The following CCDC85A variants were observed in gnomAD, a reference collection of about 807,000 sequenced individuals.
The protein encoded by CCDC85A is coiled-coil domain-containing protein 85A.
A neutral mutation model predicts 50.2 loss-of-function variants in CCDC85A; 38 were observed. That is an observed-to-expected ratio of 0.76 (90% CI 0.58 to 0.99). The LOEUF is 0.99. CCDC85A is among the 50% of genes least tolerant of loss of function. CCDC85A has a pLI of 0.00. For missense variants in CCDC85A, 820 were observed against 742.0 expected, an observed-to-expected ratio of 1.11 and a Z score of -1.22; for synonymous variants, 366 against 301.4, an observed-to-expected ratio of 1.21 and a Z score of -2.22.
intron 2 of CCDC85A, among the ~76,000 whole-genome samples, chr2:56,226,643 A>G (rs969594142): frequency 2.0e-5 from 3 of 151,922 alleles, no homozygotes; most frequent in Non-Finnish European, 4.4e-5. Context: ...TGGTATTATG[A>G]ATTTCATCTC....
intron 3 of CCDC85A, among the ~76,000 whole-genome samples, chr2:56,371,121 G>T (rs545586481): frequency 5.9e-5 from 9 of 152,210 alleles, no homozygotes; most frequent in African/African-American, 2.2e-4. Context: ...ATGTTGCTAT[G>T]ATGAAATTAT....
chr2:56,205,358 A>G (rs928647827), intron 2 of CCDC85A, among the ~76,000 whole-genome samples: 1 of 152,158 alleles, frequency 6.6e-6, no homozygotes, highest in Non-Finnish European at 1.5e-5. Context: ...TACTTCTATT[A>G]CTTTACAGCT....
At chr2:56,268,244 G>T (rs1026432302) in intron 2 of CCDC85A, among the ~76,000 whole-genome samples, 2 of 152,160 alleles carry the variant, frequency 1.3e-5, no homozygotes, top group Non-Finnish European at 2.9e-5. Flanking sequence ...ATAAGGATCT[G>T]CAGAGACAGA....
Position 56,193,521 on chromosome 2 carries a change from T to C in CCDC85A, c.1240+81T>C, listed in dbSNP as rs116030346. ...CGAATGATGATGGACTTTCCAGCCATGTAAGAAAGTGCAGGCGCTAGCTAG... is the reference window on the plus strand; with the variant it reads ...CGAATGATGATGGACTTTCCAGCCACGTAAGAAAGTGCAGGCGCTAGCTAG... On this transcript the variant is annotated intron_variant, in intron 2 of 5. Transcript: ENST00000407595. 2.3e-4 allele frequency: 325 copies of C among 1,430,632 alleles called. No individual in the cohort carries two copies. The African/African-American group carries it at 4.4e-3, about 19-fold the overall frequency. 88.6% of individuals were successfully genotyped at this position (1,430,632 alleles called of 1,614,324 possible).
chr2:56,267,070 T>C (rs1159164801), intron 2 of CCDC85A, among the ~76,000 whole-genome samples: 1 of 152,108 alleles, frequency 6.6e-6, no homozygotes, highest in African/African-American at 2.4e-5. Flanking sequence ...AGGGATAGTG[T>C]TGTATGTAAT....
At chr2:56,298,025 A>G (rs1672033660) in intron 2 of CCDC85A, among the ~76,000 whole-genome samples, 1 of 152,210 alleles carries the variant, frequency 6.6e-6, no homozygotes, top group African/African-American at 2.4e-5. Flanking sequence ...CACAGACTGC[A>G]GAAGAGATTT....
chr2:56,285,211 C>T (rs559930002), intron 2 of CCDC85A, among the ~76,000 whole-genome samples: 2 of 151,558 alleles, frequency 1.3e-5, no homozygotes, highest in East Asian at 3.9e-4. Flanking sequence ...AAGCAATTCA[C>T]CTGCCTCGGC....
chr2:56,325,676 C>T (rs900148278), intron 2 of CCDC85A, among the ~76,000 whole-genome samples: 3 of 152,018 alleles, frequency 2.0e-5, no homozygotes, highest in Non-Finnish European at 4.4e-5. Context: ...ATTTACAAGC[C>T]AGAAGAAACT....
chr2:56,198,832 A>G (rs180917285), intron 2 of CCDC85A, among the ~76,000 whole-genome samples: 23 of 152,320 alleles, frequency 1.5e-4, no homozygotes, highest in Non-Finnish European at 2.9e-5. Context: ...GTTTATATAC[A>G]TTTCAGTGAC....
intron 2 of CCDC85A, among the ~76,000 whole-genome samples, chr2:56,301,267 G>GT (rs551241497): frequency 2.0e-4 from 30 of 152,132 alleles, no homozygotes; most frequent in Non-Finnish European, 4.0e-4. Context: ...TAAATGTGTG[G>GT]TGTGTGTCTT....
intron 3 of CCDC85A, among the ~76,000 whole-genome samples, chr2:56,366,770 A>G (rs1324056460): frequency 6.6e-6 from 1 of 152,174 alleles, no homozygotes; most frequent in Non-Finnish European, 1.5e-5. Context: ...CAGGCCCTCA[A>G]GAAGTCCTCT....
intron 2 of CCDC85A, among the ~76,000 whole-genome samples, chr2:56,248,437 T>G (rs914851977): frequency 6.6e-6 from 1 of 152,114 alleles, no homozygotes; most frequent in African/African-American, 2.4e-5. Context: ...GCCCTTGGTG[T>G]CTACCCACCT....
chr2:56,282,645 G>A (rs1415233487), intron 2 of CCDC85A, among the ~76,000 whole-genome samples: 1 of 152,226 alleles, frequency 6.6e-6, no homozygotes, highest in East Asian at 1.9e-4. Context: ...AGGTAGCTGG[G>A]ATTACAGGCA....
At chr2:56,328,491 G>A (rs757587894) in intron 2 of CCDC85A, among the ~76,000 whole-genome samples, 1 of 152,044 alleles carries the variant, frequency 6.6e-6, no homozygotes, top group African/African-American at 2.4e-5. Flanking sequence ...ACAGCTCTTC[G>A]CTGTGGACTT....
intron 2 of CCDC85A, among the ~76,000 whole-genome samples, chr2:56,317,302 A>G (rs1487866158): frequency 6.6e-6 from 1 of 152,130 alleles, no homozygotes; most frequent in African/African-American, 2.4e-5. Flanking sequence ...ATAAATTCCA[A>G]GTTAATTGGA....
chr2:56,248,526 C>T (rs1669610365), intron 2 of CCDC85A, among the ~76,000 whole-genome samples: 1 of 152,144 alleles, frequency 6.6e-6, no homozygotes, highest in Admixed American at 6.5e-5. Flanking sequence ...TCCCTGGCAT[C>T]CTAGGGCTCC....
intron 3 of CCDC85A, among the ~76,000 whole-genome samples, chr2:56,355,326 G>C (rs1373779787): frequency 6.6e-6 from 1 of 152,224 alleles, no homozygotes; most frequent in African/African-American, 2.4e-5. Flanking sequence ...AATACTCACT[G>C]TTGGTCAAGA....
chr2:56,355,038 A>AG (rs1675152282), intron 3 of CCDC85A, among the ~76,000 whole-genome samples: 1 of 152,134 alleles, frequency 6.6e-6, no homozygotes, highest in African/African-American at 2.4e-5. Context: ...TTCCCCCATC[A>AG]GGTATACAAG....
chr2:56,231,336 G>A (rs1176737737), intron 2 of CCDC85A, among the ~76,000 whole-genome samples: 1 of 152,176 alleles, frequency 6.6e-6, no homozygotes, highest in African/African-American at 2.4e-5. Flanking sequence ...CAGGAGCCTG[G>A]CTCTTGCACA....
Sources: allele counts gnomAD v4.1 joint callset (sites outside exome capture counted in the v4.1 genomes callset), GRCh38; gene constraint gnomAD v4.1.1; transcripts MANE v1.5; gene names NCBI Gene and HGNC (gene_info 2026-07-23, HGNC 2026-07-21).